Variants in DLG2 observed in about 807,000 individuals in gnomAD.
DLG2 encodes disks large homolog 2.
Under a neutral mutation model 132.5 loss-of-function variants are expected in DLG2, and 45 were observed. The ratio of observed to expected loss-of-function variants is 0.34; its 90% CI spans 0.27 to 0.44. DLG2 has a LOEUF of 0.44. Among genes scored for constraint, DLG2 ranks in the 20% least tolerant of loss-of-function variants. DLG2 has a pLI of 1.00. For missense variants in DLG2, 1,045 were observed against 1,196.9 expected (o/e 0.87, Z 1.87); for synonymous variants, 424 against 419.6 (o/e 1.01, Z -0.13).
At chr11:84,250,492 C>A (rs1197590666) in intron 8 of DLG2, among the ~76,000 whole-genome samples, 1 of 152,186 alleles carries the variant, frequency 6.6e-6, no homozygotes, top group Admixed American at 6.6e-5. Context: ...CTTCATACCC[C>A]CTGTCTAGCA....
intron 7 of DLG2, among the ~76,000 whole-genome samples, chr11:84,275,386 G>A (rs911350317): frequency 8.6e-5 from 13 of 151,206 alleles, no homozygotes; most frequent in African/African-American, 2.7e-4. Context: ...ACGGAGTCTC[G>A]CTCTGTCGCC....
chr11:84,996,936 CT>C (rs1165325948), intron 6 of DLG2, among the ~76,000 whole-genome samples: 8 of 152,228 alleles, frequency 5.3e-5, no homozygotes, highest in Admixed American at 1.3e-4. Context: ...AGTTACCAGC[CT>C]TTCTTCTTTC....
intron 3 of DLG2, among the ~76,000 whole-genome samples, chr11:85,474,773 T>C (rs764258530): frequency 9.2e-5 from 14 of 151,634 alleles, no homozygotes; most frequent in Admixed American, 9.2e-4. Flanking sequence ...TTAATTAAAA[T>C]TTACTTAATG....
intron 7 of DLG2, among the ~76,000 whole-genome samples, chr11:84,493,727 A>G (rs976599553): frequency 6.6e-6 from 1 of 152,090 alleles, no homozygotes; most frequent in Non-Finnish European, 1.5e-5. Context: ...CTGTAAAATG[A>G]GGATAATAAT....
At chr11:85,272,203 C>G (rs1464235499) in intron 4 of DLG2, among the ~76,000 whole-genome samples, 1 of 152,176 alleles carries the variant, frequency 6.6e-6, no homozygotes, top group Non-Finnish European at 1.5e-5. Flanking sequence ...TGCACAAGCT[C>G]TCTTCTCTTG....
chr11:85,422,247 G>T (rs2090374191), intron 3 of DLG2, among the ~76,000 whole-genome samples: 1 of 152,166 alleles, frequency 6.6e-6, no homozygotes, highest in Admixed American at 6.5e-5. Flanking sequence ...GCAAGGCCAG[G>T]AAAATTTTCC....
chr11:84,134,859 T>C (rs1456513781), intron 9 of DLG2, among the ~76,000 whole-genome samples: 2 of 151,952 alleles, frequency 1.3e-5, no homozygotes, highest in African/African-American at 4.8e-5. Flanking sequence ...TGATGGTGCC[T>C]GAAGTCCAGC....
At chr11:83,845,679 G>C (rs952365971) in intron 16 of DLG2, among the ~76,000 whole-genome samples, 1 of 152,196 alleles carries the variant, frequency 6.6e-6, no homozygotes, top group Non-Finnish European at 1.5e-5. Flanking sequence ...ACATACTGTG[G>C]TTGGTACTGT....
intron 10 of DLG2, among the ~76,000 whole-genome samples, chr11:84,077,520 A>T (rs1329939689): frequency 1.3e-5 from 2 of 152,122 alleles, no homozygotes; most frequent in Non-Finnish European, 2.9e-5. Context: ...CAACCTATTA[A>T]TCTTCATACT....
chr11:84,681,470 A>C (rs974723746), intron 6 of DLG2, among the ~76,000 whole-genome samples: 2 of 152,144 alleles, frequency 1.3e-5, no homozygotes, highest in Non-Finnish European at 2.9e-5. Flanking sequence ...TGTGTAATAT[A>C]CATTAGGAAG....
At chr11:83,948,079 T>A (rs1436971660) in intron 14 of DLG2, among the ~76,000 whole-genome samples, 1 of 152,244 alleles carries the variant, frequency 6.6e-6, no homozygotes, top group East Asian at 1.9e-4. Flanking sequence ...TTTGAAATAT[T>A]TGACTATCAC....
chr11:84,295,560 C>G (rs1316096302), intron 7 of DLG2, among the ~76,000 whole-genome samples: 3 of 152,188 alleles, frequency 2.0e-5, no homozygotes, highest in African/African-American at 4.8e-5. Flanking sequence ...GGAGCTGACA[C>G]AGTGAAACAT....
intron 6 of DLG2, among the ~76,000 whole-genome samples, chr11:84,865,667 T>C (rs903533568): frequency 1.3e-5 from 2 of 152,166 alleles, no homozygotes; most frequent in Non-Finnish European, 1.5e-5. Context: ...AACAAAAGTA[T>C]CCTAACACAA....
In DLG2 at chr11:83,572,977, T is replaced by C. The variant is rs17524435; in HGVS notation, c.1941-31119A>G. ...AGCATCATTAAGGCTTTCTGGTTAA[T>C]TGGAATTATTCTGCCAGATTAAATG... is the stretch of plus-strand genomic sequence containing the variant. On this transcript the variant is annotated intron_variant, in intron 19 of 27. Coordinates refer to ENST00000376104, the MANE Select transcript of DLG2 (RefSeq NM_001142699.3). Among the ~76,000 whole-genome samples, 878 of 152,318 alleles carry C rather than the reference T, an allele frequency of 5.8e-3. 5 individuals carry two copies. Among genetic ancestry groups the C allele is most frequent in the Middle Eastern group, 0.024 (7 of 294 alleles).
At position 84,355,499 on chromosome 11, in the gene DLG2, C is replaced by A. The variant is rs199856722; in HGVS notation, c.520-104208G>T. The stretch of plus-strand genomic sequence containing the variant: ...AGACACAGCAAGAAGGTGCTCAAGG[C>A]AGACCTTCACCTGACGCCAAATCAG... On this transcript the variant is annotated intron_variant, in intron 7 of 27. Transcript: ENST00000376104. Among the ~76,000 whole-genome samples the A allele has an allele frequency of 2.6e-5, 4 of 152,058 alleles. No homozygotes were observed. In the East Asian group the frequency reaches 7.7e-4, roughly 29 times the overall value.
chr11:85,079,781 C>T (rs568723947), intron 6 of DLG2, among the ~76,000 whole-genome samples: 2 of 152,168 alleles, frequency 1.3e-5, no homozygotes, highest in East Asian at 3.9e-4. Context: ...CAGGCATGTG[C>T]CACCACGCCT....
intron 19 of DLG2, among the ~76,000 whole-genome samples, chr11:83,587,247 C>T (rs144170420): frequency 1.3e-5 from 2 of 151,980 alleles, no homozygotes; most frequent in African/African-American, 4.8e-5. Flanking sequence ...TCCAGTTTCT[C>T]CCATCTAACA....
intron 6 of DLG2, chr11:84,546,577 G>C (rs2099390313): frequency 2.3e-6 from 1 of 442,286 alleles, no homozygotes; most frequent in Non-Finnish European, 4.4e-6. Flanking sequence ...CTCCTCTTGA[G>C]ACAACTGTCT....
intron 9 of DLG2, among the ~76,000 whole-genome samples, chr11:84,163,250 T>C (rs1331278643): frequency 6.6e-6 from 1 of 152,206 alleles, no homozygotes; most frequent in Non-Finnish European, 1.5e-5. Flanking sequence ...ATCCTGGCAA[T>C]GAAATTTACA....
Sources: allele counts gnomAD v4.1 joint callset (sites outside exome capture counted in the v4.1 genomes callset), GRCh38; gene constraint gnomAD v4.1.1; transcripts MANE v1.5; gene names NCBI Gene and HGNC (gene_info 2026-07-23, HGNC 2026-07-21).